The following DARS2 variants were observed in gnomAD, a reference collection of about 807,000 sequenced individuals.
The protein encoded by DARS2 is aspartate--tRNA ligase, mitochondrial.
A neutral mutation model predicts 83.0 loss-of-function variants in DARS2; 63 were observed. The ratio of observed to expected loss-of-function variants is 0.76; its 90% CI spans 0.62 to 0.94. The LOEUF (loss-of-function observed/expected upper bound fraction) is 0.94. DARS2 is among the 40% of genes least tolerant of loss of function. The pLI, the probability that DARS2 is intolerant of heterozygous loss-of-function variation, is 0.00. For missense variants in DARS2, 675 were observed against 774.4 expected (o/e 0.87, Z 1.52); for synonymous variants, 250 against 269.3 (o/e 0.93, Z 0.70).
At chr1:173,838,563 G>A (rs1362973095) in intron 9 of DARS2, among the ~76,000 whole-genome samples, 1 of 151,912 alleles carries the variant, frequency 6.6e-6, no homozygotes, top group Non-Finnish European at 1.5e-5. Context: ...AGCAACTAAG[G>A]AATGCCAGAA....
rs115814489 is a variant in DARS2 at position 173,826,337 on chromosome 1, C to T, written c.128-350C>T. On this transcript the variant is annotated intron_variant, in intron 1 of 16. Coordinates refer to ENST00000649689, the MANE Select transcript of DARS2 (RefSeq NM_018122.5). Reference sequence around the variant, plus strand: ...TAAATAGTTCCTACACCGTCCATTTCTGCAGTTTCTAAAATCCTATTTCAT... The same window carrying T: ...TAAATAGTTCCTACACCGTCCATTTTTGCAGTTTCTAAAATCCTATTTCAT... Among the ~76,000 whole-genome samples the T allele has an allele frequency of 3.8e-3, 584 of 152,204 alleles. 4 individuals carry two copies. Among genetic ancestry groups the T allele is most frequent in the African/African-American group, 0.013 (552 of 41,546 alleles).
chr1:173,826,665 C>CTTTTTTTTTTTTTTTTTTTTTATTTTT, intron 1 of DARS2, 22 bp from the exon 2 acceptor site: 1 of 1,260,702 alleles, frequency 7.9e-7, no homozygotes, highest in Non-Finnish European at 1.1e-6. Flanking sequence ...TTTAAAGTTT[C>CTTTTTTTTTTTTTTTTTTTTTATTTTT]TTTTTTTTTT....
At chr1:173,851,253 A>AC (rs1344190780) in intron 13 of DARS2, among the ~76,000 whole-genome samples, 1 of 149,588 alleles carries the variant, frequency 6.7e-6, no homozygotes, top group Non-Finnish European at 1.5e-5. Flanking sequence ...CGTCTCAAAA[A>AC]AAAAAAAAAA....
intron 4 of DARS2, 76 bp downstream of exon 4, chr1:173,830,837 A>G (rs1165825066): frequency 2.9e-6 from 3 of 1,034,894 alleles, no homozygotes; most frequent in Non-Finnish European, 4.6e-6. Flanking sequence ...TTCTGGCAAC[A>G]CATGACTGGA....
chr1:173,834,880 G>C (rs1238675132), intron 7 of DARS2, among the ~76,000 whole-genome samples: 1 of 144,138 alleles, frequency 6.9e-6, no homozygotes, highest in Non-Finnish European at 1.5e-5. Flanking sequence ...CTGGATCCAA[G>C]CGATTCTCAT....
In DARS2 at chr1:173,828,331, A is replaced by G. The variant is rs754590716; in HGVS notation, c.228-2A>G. 3 of 888,126 alleles carry G rather than the reference A, an allele frequency of 3.4e-6. No individual in the cohort carries two copies. The highest frequency in any genetic ancestry group is 1.9e-5 in the Admixed American group (1 of 51,460). The allele number at this position is 888,126 out of a possible 1,614,324, so 55.0% of individuals were successfully genotyped here. On this transcript the variant is annotated splice_acceptor_variant, in intron 2 of 16. Transcript: ENST00000649689. LOFTEE classifies it high-confidence loss of function. ...TTTCTTTTCCCCCCCCCCATTAATC[A>G]GGCAAAACACATTCTTGGTCCTAAG... is the stretch of plus-strand genomic sequence containing the variant.
chr1:173,851,568 G>A (rs115479133), intron 13 of DARS2, among the ~76,000 whole-genome samples: 240 of 152,312 alleles, frequency 1.6e-3, no homozygotes, highest in Middle Eastern at 0.01. Context: ...AGCTGTAGGT[G>A]ATGAGTGCCA....
chr1:173,850,104 A>C (rs985386808), intron 12 of DARS2, among the ~76,000 whole-genome samples: 2 of 151,850 alleles, frequency 1.3e-5, no homozygotes, highest in Admixed American at 1.3e-4. Context: ...CACCCACCTC[A>C]GCCTCCCAAA....
At chr1:173,851,967 A>AT in intron 13 of DARS2, 2 of 985,362 alleles carry the variant, frequency 2.0e-6, no homozygotes, top group Non-Finnish European at 2.4e-6. Flanking sequence ...AGAACATGGG[A>AT]TTTTGTTCCT....
intron 15 of DARS2, among the ~76,000 whole-genome samples, chr1:173,856,010 C>T (rs1396191848): frequency 6.6e-6 from 1 of 152,056 alleles, no homozygotes; most frequent in Non-Finnish European, 1.5e-5. Context: ...CTCAGCCCTG[C>T]TGCACCTTAC....
chr1:173,853,697 G>A, intron 14 of DARS2, 98 bp from the exon 15 acceptor site: 2 of 1,475,214 alleles, frequency 1.4e-6, no homozygotes, highest in Non-Finnish European at 1.9e-6. Context: ...GTTTGAGTTA[G>A]TAGTAATACA....
At chr1:173,833,326 T>A (rs1052254736) in intron 5 of DARS2, 50 bp from the exon 6 acceptor site, 6 of 1,481,428 alleles carry the variant, frequency 4.1e-6, no homozygotes, top group Non-Finnish European at 5.4e-6. Context: ...AGATAATACC[T>A]TTCTAATATT....
chr1:173,827,399 G>GC (rs914393654), intron 2 of DARS2, among the ~76,000 whole-genome samples: 2 of 152,144 alleles, frequency 1.3e-5, no homozygotes, highest in Non-Finnish European at 2.9e-5. Context: ...GGAGGCCGAG[G>GC]CGGGCGGATC....
chr1:173,826,853 C>A, intron 2 of DARS2, 67 bp downstream of exon 2: 3 of 1,149,926 alleles, frequency 2.6e-6, no homozygotes, highest in Non-Finnish European at 4.0e-6. Flanking sequence ...CAAACCTTTA[C>A]TAATTTACAA....
chr1:173,832,786 AGAG>A (rs1246094328), intron 5 of DARS2, among the ~76,000 whole-genome samples: 6 of 143,138 alleles, frequency 4.2e-5, no homozygotes, highest in Non-Finnish European at 4.6e-5. Flanking sequence ...AAAAAAAAAA[AGAG>A]AGAGAAAATA....
chr1:173,826,892 C>T, intron 2 of DARS2, 106 bp downstream of exon 2: 1 of 842,420 alleles, frequency 1.2e-6, no homozygotes, highest in South Asian at 1.4e-5. Context: ...CGTTTTGCAA[C>T]TCCTGCAGGA....
intron 1 of DARS2, among the ~76,000 whole-genome samples, chr1:173,826,093 G>C (rs1251071623): frequency 2.0e-5 from 3 of 151,696 alleles, no homozygotes; most frequent in Middle Eastern, 3.2e-3. Flanking sequence ...GCGTGGTGGC[G>C]GGCGCCTGTA....
At chr1:173,832,784 AAAGAG>A (rs1359330081) in intron 5 of DARS2, among the ~76,000 whole-genome samples, 13 of 151,730 alleles carry the variant, frequency 8.6e-5, no homozygotes, top group African/African-American at 2.4e-4. Flanking sequence ...AAAAAAAAAA[AAAGAG>A]AGAGAAAATA....
chr1:173,833,375 G>C lies in DARS2; in HGVS notation c.493-1G>C, dbSNP rs771905691. ...ATATAAAAATCTTTCAATTTCTTTA[G>C]AAAACAGAGGCTCTTCGGTTGCAGT... On this transcript the variant is annotated splice_acceptor_variant, in intron 5 of 16. Transcript: ENST00000649689. LOFTEE classifies it high-confidence loss of function. The C allele has an allele frequency of 6.9e-6, 11 of 1,589,054 alleles. No homozygotes were observed. Among genetic ancestry groups the C allele is most frequent in the Admixed American group, 1.7e-5 (1 of 57,408 alleles).
Sources: gnomAD v4.1 joint callset for allele counts (sites outside exome capture counted in the v4.1 genomes callset) on GRCh38, gnomAD v4.1.1 for gene constraint, MANE v1.5 for transcripts, NCBI Gene and HGNC (gene_info 2026-07-23, HGNC 2026-07-21) for gene names.